EBF3: variants seen among roughly 807,000 people sequenced by gnomAD.
EBF3 encodes the protein transcription factor COE3.
Under a neutral mutation model 77.1 loss-of-function variants are expected in EBF3, and 18 were observed. The ratio of observed to expected loss-of-function variants is 0.23; its 90% confidence interval spans 0.16 to 0.35. The LOEUF (loss-of-function observed/expected upper bound fraction) is 0.35, where lower values mean the gene tolerates loss of function less well. Ranked by LOEUF, EBF3 falls within the 10% of genes least tolerant of loss-of-function variation. EBF3 has a pLI of 1.00. For synonymous variants in EBF3, 350 were observed against 343.5 expected, an observed-to-expected ratio of 1.02 and a Z score of -0.21; for missense variants, 558 against 860.0, an observed-to-expected ratio of 0.65 and a Z score of 4.39.
rs1380759056 is a variant in EBF3, at chr10:129,947,318, G to A, written c.554+9940C>T. Among the ~76,000 whole-genome samples, 41 of 152,164 alleles carry A rather than the reference G, an allele frequency of 2.7e-4. No individual in the cohort carries two copies. The highest frequency in any genetic ancestry group is 1.6e-4 in the Non-Finnish European group (11 of 68,038). The stretch of plus-strand genomic sequence containing the variant: ...AAAAACCCTTGCATTACTCTGTCTC[G>A]TATTAAATACCACATATAACTCTCA... On this transcript the variant is annotated intron_variant, in intron 6 of 16. Transcript: ENST00000440978. This position sits in a 1 kb window ranked among gnomAD's most constrained non-coding sequence, Gnocchi z 4.5.
At chr10:129,903,075 T>C (rs1841556187) in intron 6 of EBF3, among the ~76,000 whole-genome samples, 1 of 152,212 alleles carries the variant, frequency 6.6e-6, no homozygotes, top group South Asian at 2.1e-4. Flanking sequence ...ACAACGCAAT[T>C]CTGTGGCTTC....
intron 15 of EBF3, 68 bp downstream of exon 15, chr10:129,840,177 C>CCCCCCCCCCCCCCA: frequency 7.0e-7 from 1 of 1,425,918 alleles, no homozygotes; most frequent in Non-Finnish European, 9.5e-7. Context: ...GCCGAGCCCC[C>CCCCCCCCCCCCCCA]ACCCCCACTC....
At chr10:129,858,693 C>T (rs1379200828) in intron 10 of EBF3, among the ~76,000 whole-genome samples, 1 of 152,084 alleles carries the variant, frequency 6.6e-6, no homozygotes, top group Non-Finnish European at 1.5e-5. Context: ...CAGAATCCAC[C>T]CTCCCTAATC....
chr10:129,880,865 C>T (rs554049226), intron 6 of EBF3, among the ~76,000 whole-genome samples: 1 of 152,204 alleles, frequency 6.6e-6, no homozygotes, highest in South Asian at 2.1e-4. Context: ...TGGCACCGTA[C>T]AGCAGGTGTG....
At chr10:129,888,276 G>A (rs1331677002) in intron 6 of EBF3, among the ~76,000 whole-genome samples, 1 of 152,234 alleles carries the variant, frequency 6.6e-6, no homozygotes, top group African/African-American at 2.4e-5. Context: ...AAGGGCCCGA[G>A]GCGGTGGCTT....
chr10:129,929,190 TTTTATC>T (rs1465552293), intron 6 of EBF3, among the ~76,000 whole-genome samples: 1 of 152,052 alleles, frequency 6.6e-6, no homozygotes, highest in African/African-American at 2.4e-5. Context: ...CTTCTTTATT[TTTTATC>T]TTTATTTTTA....
At chr10:129,922,843 T>C (rs1349017182) in intron 6 of EBF3, among the ~76,000 whole-genome samples, 4 of 151,938 alleles carry the variant, frequency 2.6e-5, no homozygotes, top group East Asian at 1.9e-4. Context: ...AGGAAGGTGG[T>C]TGGGGCTCCT....
chr10:129,959,550 C>G (rs1398741667), intron 4 of EBF3, among the ~76,000 whole-genome samples: 1 of 151,974 alleles, frequency 6.6e-6, no homozygotes, highest in East Asian at 1.9e-4. Context: ...GCCCGCCCTG[C>G]CCTGCGCGCT....
At chr10:129,960,945 C>A (rs916348389) in intron 4 of EBF3, among the ~76,000 whole-genome samples, 1 of 152,128 alleles carries the variant, frequency 6.6e-6, no homozygotes, top group Non-Finnish European at 1.5e-5. Flanking sequence ...AAGGGCACAC[C>A]GCCTCTGTCT....
At chr10:129,961,485 G>A (rs541167040) in intron 4 of EBF3, among the ~76,000 whole-genome samples, 16 of 152,214 alleles carry the variant, frequency 1.1e-4, no homozygotes, top group Non-Finnish European at 1.9e-4. Context: ...AGTTATCATC[G>A]GAAAAGTTGA....
intron 6 of EBF3, among the ~76,000 whole-genome samples, chr10:129,886,937 AG>A (rs1853628791): frequency 6.6e-6 from 1 of 151,552 alleles, no homozygotes; most frequent in African/African-American, 2.4e-5. Flanking sequence ...CTGGTCAAGA[AG>A]GGGTTTTAAC....
chr10:129,859,767 TC>T (rs1851493496), intron 10 of EBF3, among the ~76,000 whole-genome samples: 1 of 152,228 alleles, frequency 6.6e-6, no homozygotes, highest in Non-Finnish European at 1.5e-5. Context: ...GTCTATCGAT[TC>T]CAGCCATGGG....
At position 129,864,554 on chromosome 10, in the gene EBF3, T is replaced by C. The variant is rs149714124; in HGVS notation, c.1039+2587A>G. On this transcript the variant is annotated intron_variant, in intron 10 of 16. Transcript: ENST00000440978. This position sits in a 1 kb window ranked among gnomAD's most constrained non-coding sequence, Gnocchi z 4.4. ...ACCAAAAAGCCCACATATGCAAAGA[T>C]CTGAACTCATGAAAGGATCCACTGA... 3.3e-5 allele frequency among the ~76,000 whole-genome samples: 5 copies of C among 152,256 alleles called. No homozygotes were observed. The highest frequency in any genetic ancestry group is 7.4e-5 in the Non-Finnish European group (5 of 68,020).
At chr10:129,907,443 A>G (rs1386675939) in intron 6 of EBF3, among the ~76,000 whole-genome samples, 1 of 152,262 alleles carries the variant, frequency 6.6e-6, no homozygotes, top group African/African-American at 2.4e-5. Context: ...CCTCTTAAAC[A>G]GAATTTGATT....
At position 129,963,583 on chromosome 10, in the gene EBF3, C is replaced by A; in HGVS notation, c.134+52G>T. 1 of 1,231,646 alleles carries A rather than the reference C, an allele frequency of 8.1e-7. No homozygotes were observed. Among genetic ancestry groups the A allele is most frequent in the African/African-American group, 1.6e-5 (1 of 61,414 alleles). The allele number at this position is 1,231,646 out of a possible 1,614,324, so 76.3% of individuals were successfully genotyped here. A position where few individuals can be genotyped will look rare whatever the true frequency, so the allele number is the denominator to read the frequency against. ...GCGCGGCGCCGGCCGGCGGAGGGGG[C>A]CGGGCCGGGCCGGGGCCGGGGCCAG... On this transcript the variant is annotated intron_variant, in intron 1 of 16. Coordinates refer to ENST00000440978, the MANE Select transcript of EBF3 (RefSeq NM_001375380.1). This position sits in a 1 kb window ranked among gnomAD's most constrained non-coding sequence, Gnocchi z 7.1.
chr10:129,925,717 T>C (rs1856623958), intron 6 of EBF3, among the ~76,000 whole-genome samples: 1 of 151,996 alleles, frequency 6.6e-6, no homozygotes, highest in Non-Finnish European at 1.5e-5. Flanking sequence ...TTATGTTATA[T>C]ATATTTACCA....
At chr10:129,890,144 T>A (rs1476257621) in intron 6 of EBF3, among the ~76,000 whole-genome samples, 1 of 152,078 alleles carries the variant, frequency 6.6e-6, no homozygotes, top group Admixed American at 6.5e-5. Context: ...GGAACTCAGA[T>A]AATGAAAATT....
chr10:129,914,740 C>T (rs778695767), intron 6 of EBF3, among the ~76,000 whole-genome samples: 1 of 152,154 alleles, frequency 6.6e-6, no homozygotes, highest in African/African-American at 2.4e-5. Context: ...GCATGGGAGA[C>T]CCTGGGAGGC....
intron 6 of EBF3, among the ~76,000 whole-genome samples, chr10:129,902,167 A>T (rs1294033064): frequency 6.6e-6 from 1 of 151,808 alleles, no homozygotes; most frequent in East Asian, 1.9e-4. Context: ...TCCCCACCAC[A>T]ACGCAGCTAG....
Sources: gnomAD v4.1 joint callset for allele counts (sites outside exome capture counted in the v4.1 genomes callset) on GRCh38, gnomAD v4.1.1 for gene constraint, Gnocchi (gnomAD v3.1) non-coding constraint, MANE v1.5 for transcripts, NCBI Gene and HGNC (gene_info 2026-07-23, HGNC 2026-07-21) for gene names.